Variants in TRMT9B observed in about 807,000 individuals in gnomAD.
TRMT9B encodes probable tRNA methyltransferase 9B.
A neutral mutation model predicts 11.5 loss-of-function variants in TRMT9B; 16 were observed. That is an observed-to-expected ratio of 1.39 (90% CI 0.94 to 2.11). The LOEUF (loss-of-function observed/expected upper bound fraction) is 2.11. TRMT9B is among the 30% of genes most tolerant of loss of function. The probability of loss-of-function intolerance (pLI) is 0.00; values close to 1 mark genes in which losing one functional copy is unlikely to be tolerated. For missense variants in TRMT9B, 941 were observed against 553.8 expected, an observed-to-expected ratio of 1.70 and a Z score of -7.02; for synonymous variants, 274 against 192.4, an observed-to-expected ratio of 1.42 and a Z score of -3.51.
rs564562386 is a variant in TRMT9B at position 13,029,500 on chromosome 8, T to G, written c.*7456T>G. On this transcript the variant is annotated 3_prime_UTR_variant, in exon 5 of 5. Coordinates refer to ENST00000524591, the MANE Select transcript of TRMT9B (RefSeq NM_020844.3). ...TATGATATGTATTCAATTATTTAAG[T>G]TAAGTATCAGTGTATTTTTAAAAAG... The G allele has an allele frequency of 6.0e-6, 1 of 166,984 alleles. No individual in the cohort carries two copies. The highest frequency in any genetic ancestry group is 1.5e-5 in the Non-Finnish European group (1 of 68,112). The allele number at this position is 166,984 out of a possible 1,614,324, so 10.3% of individuals were successfully genotyped here. A position where few individuals can be genotyped will look rare whatever the true frequency, so the allele number is the denominator to read the frequency against.
chr8:13,001,229 C>G (rs1424635336), intron 2 of TRMT9B, among the ~76,000 whole-genome samples: 1 of 152,194 alleles, frequency 6.6e-6, no homozygotes, highest in African/African-American at 2.4e-5. Flanking sequence ...TCTGACTATT[C>G]AGGTCTTTTA....
At chr8:12,963,142 G>T (rs2128863972) in intron 1 of TRMT9B, among the ~76,000 whole-genome samples, 1 of 152,306 alleles carries the variant, frequency 6.6e-6, no homozygotes, top group Admixed American at 6.5e-5. Context: ...ACTAAACCAT[G>T]TATACTGGCA....
chr8:12,954,434 G>C (rs773685251), intron 1 of TRMT9B, among the ~76,000 whole-genome samples: 11 of 150,204 alleles, frequency 7.3e-5, no homozygotes, highest in African/African-American at 2.5e-4. Context: ...ATAATATTGA[G>C]AGCAAAATGC....
At chr8:12,973,644 G>A (rs1803969764) in intron 1 of TRMT9B, among the ~76,000 whole-genome samples, 1 of 150,468 alleles carries the variant, frequency 6.6e-6, no homozygotes, top group African/African-American at 2.4e-5. Context: ...AAACATGTTG[G>A]AGGTGTAGGG....
intron 4 of TRMT9B, among the ~76,000 whole-genome samples, chr8:13,019,386 G>T (rs990021940): frequency 6.6e-6 from 1 of 152,166 alleles, no homozygotes; most frequent in Non-Finnish European, 1.5e-5. Context: ...CGACCTCCCT[G>T]GCTCAAATGA....
In TRMT9B at chr8:12,945,965, A is replaced by G. The variant is rs1800244809; in HGVS notation, c.-201A>G. On this transcript the variant is annotated splice_region_variant and 5_prime_UTR_variant, in exon 1 of 5. Coordinates refer to ENST00000524591, the MANE Select transcript of TRMT9B (RefSeq NM_020844.3). ...CTAGCAACTCTGCAGTCTTCCTTCA[A>G]GGTATGTGTTGCAATTTGGGGTTGC... 1 of 152,162 alleles carries G rather than the reference A, an allele frequency of 6.6e-6. No individual in the cohort carries two copies. The highest frequency in any genetic ancestry group is 1.5e-5 in the Non-Finnish European group (1 of 68,028). 9.4% of individuals were successfully genotyped at this position (152,162 alleles called of 1,614,324 possible). A position where few individuals can be genotyped will look rare whatever the true frequency, so the allele number is the denominator to read the frequency against.
At chr8:13,013,123 A>C (rs1397424619) in intron 4 of TRMT9B, among the ~76,000 whole-genome samples, 1 of 152,234 alleles carries the variant, frequency 6.6e-6, no homozygotes, top group Non-Finnish European at 1.5e-5. Context: ...TGAGTAAGAA[A>C]GGATTAGAGG....
rs557741882 is a variant in TRMT9B at position 13,023,442 on chromosome 8, T to A, written c.*1398T>A. The A allele has an allele frequency of 2.3e-4, 39 of 167,240 alleles. No homozygotes were observed. Among genetic ancestry groups the A allele is most frequent in the African/African-American group, 9.4e-4 (39 of 41,592 alleles). The allele number at this position is 167,240 out of a possible 1,614,324, so 10.4% of individuals were successfully genotyped here. On this transcript the variant is annotated 3_prime_UTR_variant, in exon 5 of 5. Transcript: ENST00000524591. ...GAATTTAGGTAGAATCAACTTCTAC[T>A]GATTACAGGTTGAATTTCTGTCACT...
At chr8:12,978,641 C>A (rs1048840807) in intron 1 of TRMT9B, among the ~76,000 whole-genome samples, 1 of 152,132 alleles carries the variant, frequency 6.6e-6, no homozygotes, top group Non-Finnish European at 1.5e-5. Context: ...TGTCACTAAC[C>A]AGCCAATATA....
At chr8:12,968,930 G>C (rs181557229) in intron 1 of TRMT9B, among the ~76,000 whole-genome samples, 7 of 152,302 alleles carry the variant, frequency 4.6e-5, no homozygotes, top group Middle Eastern at 3.4e-3. Context: ...CCGAAAAGTG[G>C]GCTGGGTGAG....
chr8:12,957,569 A>G (rs1226454400), intron 1 of TRMT9B, among the ~76,000 whole-genome samples: 4 of 152,176 alleles, frequency 2.6e-5, no homozygotes, highest in Non-Finnish European at 4.4e-5. Flanking sequence ...GGGTGATCAG[A>G]TGACTTATTG....
chr8:12,965,084 T>C (rs2128865087), intron 1 of TRMT9B, among the ~76,000 whole-genome samples: 1 of 152,336 alleles, frequency 6.6e-6, no homozygotes, highest in East Asian at 1.9e-4. Context: ...GTCAAACACA[T>C]TCTTATAGAA....
In TRMT9B at chr8:13,027,119, C is replaced by G. The variant is rs1013467122; in HGVS notation, c.*5075C>G. 6.0e-6 allele frequency: 1 copy of G among 167,062 alleles called. No individual in the cohort carries two copies. Among genetic ancestry groups the G allele is most frequent in the African/African-American group, 2.4e-5 (1 of 41,452 alleles). 10.3% of individuals were successfully genotyped at this position (167,062 alleles called of 1,614,324 possible). The stretch of plus-strand genomic sequence containing the variant: ...GCAACTGAGGACTATTCAGATATTT[C>G]ATTCACTCCATTTGTTTACTAAGCC... On this transcript the variant is annotated 3_prime_UTR_variant, in exon 5 of 5. Transcript: ENST00000524591.
chr8:12,958,233 A>G (rs1461328601), intron 1 of TRMT9B, among the ~76,000 whole-genome samples: 1 of 152,206 alleles, frequency 6.6e-6, no homozygotes, highest in East Asian at 1.9e-4. Flanking sequence ...ATTCAGCTGC[A>G]GTTCGGATAC....
chr8:12,977,894 T>C (rs1325549664), intron 1 of TRMT9B, among the ~76,000 whole-genome samples: 2 of 151,396 alleles, frequency 1.3e-5, no homozygotes, highest in African/African-American at 4.9e-5. Context: ...CCAGGTGCCG[T>C]GGCATGTGCC....
chr8:13,020,129 A>G (rs76705579), intron 4 of TRMT9B, among the ~76,000 whole-genome samples: 2,993 of 152,294 alleles, frequency 0.02, 87 homozygotes, highest in African/African-American at 0.068. Context: ...CCCTTAGAGC[A>G]ACCCTCTCAG....
At chr8:12,948,445 ATATG>A (rs1449550486) in intron 1 of TRMT9B, among the ~76,000 whole-genome samples, 1 of 148,282 alleles carries the variant, frequency 6.7e-6, no homozygotes. Flanking sequence ...ATATATAAAT[ATATG>A]TATGTATATA....
At chr8:12,993,522 G>A (rs901731581) in intron 2 of TRMT9B, among the ~76,000 whole-genome samples, 15 of 152,168 alleles carry the variant, frequency 9.9e-5, no homozygotes. Flanking sequence ...GATGTGGGGG[G>A]TGCAGAGACA....
chr8:12,997,269 C>G (rs377355445), intron 2 of TRMT9B, among the ~76,000 whole-genome samples: 2 of 148,306 alleles, frequency 1.3e-5, no homozygotes, highest in African/African-American at 4.9e-5. Flanking sequence ...TGGGTGACTT[C>G]TTGCTCTATC....
Sources: gnomAD v4.1 joint callset for allele counts (sites outside exome capture counted in the v4.1 genomes callset) on GRCh38, gnomAD v4.1.1 for gene constraint, MANE v1.5 for transcripts, NCBI Gene and HGNC (gene_info 2026-07-23, HGNC 2026-07-21) for gene names.